BAALC: variants seen among roughly 807,000 people sequenced by gnomAD.
The protein encoded by BAALC is brain and acute leukemia cytoplasmic protein.
A neutral mutation model predicts 15.5 loss-of-function variants in BAALC; 9 were observed. The ratio of observed to expected loss-of-function variants is 0.58; its 90% CI spans 0.35 to 1.02. BAALC has a LOEUF of 1.02. BAALC is among the 50% of genes least tolerant of loss of function. The pLI, the probability that BAALC is intolerant of heterozygous loss-of-function variation, is 0.02. For missense variants in BAALC, 201 were observed against 192.4 expected (o/e 1.04, Z -0.27); for synonymous variants, 80 against 74.6 (o/e 1.07, Z -0.37).
rs776600425 is a variant in BAALC, at chr8:103,155,829, G to A, written c.160+14772G>A. 4.1e-4 allele frequency among the ~76,000 whole-genome samples: 62 copies of A among 152,342 alleles called. 1 individual carries two copies. The Middle Eastern group carries it at 0.017, about 42-fold the overall frequency. On this transcript the variant is annotated intron_variant, in intron 1 of 2. Coordinates refer to ENST00000309982, the MANE Select transcript of BAALC (RefSeq NM_024812.3). ...CATGTTCTCTAGGTCAGTGGAGAGTGAAATTTCGTGGGTCTGGGGTGGACC... is the reference window on the plus strand; with the variant it reads ...CATGTTCTCTAGGTCAGTGGAGAGTAAAATTTCGTGGGTCTGGGGTGGACC...
chr8:103,223,628 C>G (rs909991797), intron 2 of BAALC, among the ~76,000 whole-genome samples: 1 of 143,368 alleles, frequency 7.0e-6, no homozygotes, highest in Non-Finnish European at 1.6e-5. Context: ...ATTGGGATTA[C>G]AATTATATAT....
chr8:103,191,665 C>T (rs1214136420), intron 1 of BAALC, among the ~76,000 whole-genome samples: 2 of 151,948 alleles, frequency 1.3e-5, no homozygotes, highest in Non-Finnish European at 1.5e-5. Flanking sequence ...AAGCAGGTTA[C>T]GGACTTTACG....
At position 103,145,375 on chromosome 8, in the gene BAALC, T is replaced by C. The variant is rs1235048048; in HGVS notation, c.160+4318T>C. On this transcript the variant is annotated intron_variant, in intron 1 of 2. Transcript: ENST00000309982. ...CTGTCACATCTCTTACCATTGGTCT[T>C]CCAGGTCAAATACATGCAGTTCCTT... Among the ~76,000 whole-genome samples the C allele has an allele frequency of 3.9e-5, 6 of 152,230 alleles. No individual in the cohort carries two copies. The East Asian group carries it at 1.2e-3, about 29-fold the overall frequency.
intron 2 of BAALC, among the ~76,000 whole-genome samples, chr8:103,223,173 T>A (rs893689196): frequency 1.3e-5 from 2 of 152,080 alleles, no homozygotes; most frequent in Admixed American, 6.5e-5. Flanking sequence ...TAGCTAGGTG[T>A]GGTGCACGCC....
chr8:103,170,597 C>T (rs954267747), intron 1 of BAALC, among the ~76,000 whole-genome samples: 21 of 152,184 alleles, frequency 1.4e-4, no homozygotes, highest in Non-Finnish European at 2.6e-4. Context: ...ACAGCCACCG[C>T]AAGCTAGGAG....
Position 103,228,419 on chromosome 8 carries a change from T to A in BAALC, c.*320T>A, listed in dbSNP as rs139545685. The A allele has an allele frequency of 2.6e-3, 578 of 225,028 alleles. No individual in the cohort carries two copies. Among genetic ancestry groups the A allele is most frequent in the African/African-American group, 0.01 (454 of 43,864 alleles). The allele number at this position is 225,028 out of a possible 1,614,324, so 13.9% of individuals were successfully genotyped here. A position where few individuals can be genotyped will look rare whatever the true frequency, so the allele number is the denominator to read the frequency against. ...TGAGTTAAAGCTACAGGTCAGTTTA[T>A]GAAACAGAAAAGTAGGAATGCATTT... On this transcript the variant is annotated 3_prime_UTR_variant, in exon 3 of 3. Coordinates refer to ENST00000309982, the MANE Select transcript of BAALC (RefSeq NM_024812.3).
At chr8:103,223,784 T>C (rs1270918491) in intron 2 of BAALC, among the ~76,000 whole-genome samples, 1 of 152,240 alleles carries the variant, frequency 6.6e-6, no homozygotes, top group East Asian at 1.9e-4. Flanking sequence ...GTATCATCTT[T>C]AATAAACTTT....
chr8:103,142,995 C>T (rs1810815883), intron 1 of BAALC, among the ~76,000 whole-genome samples: 1 of 152,186 alleles, frequency 6.6e-6, no homozygotes, highest in African/African-American at 2.4e-5. Flanking sequence ...CTGAAATTGG[C>T]AAGACGCTTG....
chr8:103,169,864 G>A (rs908624896), intron 1 of BAALC, among the ~76,000 whole-genome samples: 2 of 152,186 alleles, frequency 1.3e-5, no homozygotes, highest in Non-Finnish European at 2.9e-5. Context: ...ATTTTGGGGA[G>A]AGGTCCTTGG....
At chr8:103,154,545 T>C (rs968193852) in intron 1 of BAALC, 1 of 153,954 alleles carries the variant, frequency 6.5e-6, no homozygotes, top group Non-Finnish European at 1.5e-5. Context: ...GATTTCCCAC[T>C]ATCTACTGAA....
intron 1 of BAALC, among the ~76,000 whole-genome samples, chr8:103,145,393 A>G (rs1810858993): frequency 6.6e-6 from 1 of 152,216 alleles, no homozygotes; most frequent in South Asian, 2.1e-4. Flanking sequence ...AAATACATGC[A>G]GTTCCTTCAA....
chr8:103,217,273 C>A (rs1051089660), intron 2 of BAALC, among the ~76,000 whole-genome samples: 18 of 152,188 alleles, frequency 1.2e-4, no homozygotes, highest in African/African-American at 4.1e-4. Flanking sequence ...CAGTCACTGG[C>A]CATTCTGAGT....
chr8:103,225,989 T>G (rs747137979), intron 2 of BAALC, among the ~76,000 whole-genome samples: 4 of 152,210 alleles, frequency 2.6e-5, no homozygotes, highest in Admixed American at 6.5e-5. Context: ...TAGTTCACCA[T>G]TTATTTGGAT....
chr8:103,202,612 C>A (rs1334439334), intron 1 of BAALC, among the ~76,000 whole-genome samples: 1 of 152,136 alleles, frequency 6.6e-6, no homozygotes, highest in East Asian at 1.9e-4. Context: ...AAGAGAAGAG[C>A]ATAAGAGAAG....
intron 1 of BAALC, among the ~76,000 whole-genome samples, chr8:103,200,082 A>G (rs957657292): frequency 5.9e-5 from 9 of 152,296 alleles, no homozygotes; most frequent in Admixed American, 3.3e-4. Context: ...AGTGGATTCC[A>G]TGTCTTTACT....
At chr8:103,221,477 A>G (rs1036954423) in intron 2 of BAALC, among the ~76,000 whole-genome samples, 3 of 151,326 alleles carry the variant, frequency 2.0e-5, no homozygotes, top group Middle Eastern at 6.8e-3. Flanking sequence ...TTTTTTTTTT[A>G]AGCCAGTAAT....
chr8:103,227,926 C>T, intron 2 of BAALC, 63 bp from the exon 3 acceptor site: 3 of 1,157,180 alleles, frequency 2.6e-6, no homozygotes, highest in South Asian at 1.3e-5. Context: ...TTGAGACTTG[C>T]CTCGGTCATT....
At chr8:103,158,621 A>G (rs1342625640) in intron 1 of BAALC, among the ~76,000 whole-genome samples, 1 of 152,172 alleles carries the variant, frequency 6.6e-6, no homozygotes, top group African/African-American at 2.4e-5. Context: ...GCTACAAAGT[A>G]ACTAACAGGC....
At position 103,179,659 on chromosome 8, in the gene BAALC, A is replaced by T. The variant is rs149983164; in HGVS notation, c.161-33260A>T. ...TTCAATCCTGTCTTCTTCCAAATGG[A>T]TGTGAAGCAGTCACTATGAAGTCTT... is the stretch of plus-strand genomic sequence containing the variant. On this transcript the variant is annotated intron_variant, in intron 1 of 2. Transcript: ENST00000309982. Among the ~76,000 whole-genome samples, 536 of 152,340 alleles carry T rather than the reference A, an allele frequency of 3.5e-3. 5 individuals carry two copies. Among genetic ancestry groups the T allele is most frequent in the Middle Eastern group, 0.031 (9 of 294 alleles).
Sources: gnomAD v4.1 joint callset for allele counts (sites outside exome capture counted in the v4.1 genomes callset) on GRCh38, gnomAD v4.1.1 for gene constraint, MANE v1.5 for transcripts, NCBI Gene and HGNC (gene_info 2026-07-23, HGNC 2026-07-21) for gene names.